SLC13A2: variants seen among roughly 807,000 people sequenced by gnomAD.
The protein encoded by SLC13A2 is solute carrier family 13 member 2.
In SLC13A2, 40 loss-of-function variants were observed where a neutral mutation model predicts 58.5. That is an observed-to-expected ratio of 0.68 (90% CI 0.53 to 0.89). The LOEUF (loss-of-function observed/expected upper bound fraction) is 0.89. SLC13A2 is among the 40% of genes least tolerant of loss of function. SLC13A2 has a pLI of 0.00. For missense variants in SLC13A2, 694 were observed against 772.6 expected, an observed-to-expected ratio of 0.90 and a Z score of 1.21; for synonymous variants, 341 against 331.6, an observed-to-expected ratio of 1.03 and a Z score of -0.31.
chr17:28,492,483 G>A (rs2069047997), intron 6 of SLC13A2, among the ~76,000 whole-genome samples: 2 of 152,218 alleles, frequency 1.3e-5, no homozygotes, highest in African/African-American at 4.8e-5. Context: ...CCAGGCAGCA[G>A]GAGCAGATTG....
chr17:28,475,291 C>T (rs963785070), intron 1 of SLC13A2, among the ~76,000 whole-genome samples: 6 of 152,180 alleles, frequency 3.9e-5, no homozygotes, highest in Non-Finnish European at 8.8e-5. Flanking sequence ...GTCTTCTGTG[C>T]ACCGTATCTG....
chr17:28,484,698 A>G (rs782424068), intron 1 of SLC13A2, among the ~76,000 whole-genome samples: 1 of 152,120 alleles, frequency 6.6e-6, no homozygotes, highest in Non-Finnish European at 1.5e-5. Context: ...ATGAATAAGG[A>G]GGCTTTTGCA....
Position 28,482,841 on chromosome 17 carries a change from C to G in SLC13A2, c.103-6373C>G, listed in dbSNP as rs147004341. Among the ~76,000 whole-genome samples the G allele has an allele frequency of 4.5e-4, 69 of 152,322 alleles. 2 individuals are homozygous for G. The East Asian group carries it at 0.013, about 29-fold the overall frequency. On this transcript the variant is annotated intron_variant, in intron 1 of 11. Coordinates refer to ENST00000314669, the MANE Select transcript of SLC13A2 (RefSeq NM_003984.4). ...CCCTCTCTGGAAGCCTTCCTCAACC[C>G]AAACAAAAGGAGGCTCAGGGACGGG...
intron 1 of SLC13A2, among the ~76,000 whole-genome samples, chr17:28,486,400 G>A (rs1270566985): frequency 1.3e-5 from 2 of 152,168 alleles, no homozygotes; most frequent in African/African-American, 4.8e-5. Context: ...TTATCTTCAT[G>A]GATTCTCAGA....
Position 28,497,162 on chromosome 17 carries a change from T to C in SLC13A2, c.1672T>C (p.Trp558Arg), listed in dbSNP as rs782668185. 1 of 1,613,870 alleles carries C rather than the reference T, an allele frequency of 6.2e-7. No homozygotes were observed. The change falls in exon 12 of 12, where the codon TGG becomes CGG. Residue 558 changes from tryptophan to arginine, a missense_variant. By Grantham distance (101) the Trp-to-Arg change is moderately radical. Coordinates refer to ENST00000314669, the MANE Select transcript of SLC13A2 (RefSeq NM_003984.4). The stretch of plus-strand genomic sequence containing the variant: ...GATCATCGCACTGGCCATCAACAGC[T>C]GGGGCATCCCCCTCTTCAGCCTGCA... ...VLIIALAINS[W>R]GIPLFSLHSF...
chr17:28,487,493 G>A (rs1258134499), intron 1 of SLC13A2: 15 of 971,618 alleles, frequency 1.5e-5, no homozygotes, highest in African/African-American at 1.1e-4. Context: ...AGAATATGAC[G>A]CCTGGCACAA....
chr17:28,478,347 C>G (rs1320003037), intron 1 of SLC13A2, among the ~76,000 whole-genome samples: 2 of 152,238 alleles, frequency 1.3e-5, no homozygotes, highest in African/African-American at 4.8e-5. Context: ...AGCTCTTGCT[C>G]TGTGTCAGGG....
intron 1 of SLC13A2, among the ~76,000 whole-genome samples, chr17:28,475,275 G>A (rs782487531): frequency 2.0e-5 from 3 of 152,164 alleles, no homozygotes; most frequent in Non-Finnish European, 4.4e-5. Context: ...TGTGTTAGGA[G>A]CCCCTGTCTT....
Position 28,485,515 on chromosome 17 carries a change from G to A in SLC13A2, c.103-3699G>A, listed in dbSNP as rs2068863808. Among the ~76,000 whole-genome samples, 3 of 152,234 alleles carry A rather than the reference G, an allele frequency of 2.0e-5. No individual in the cohort carries two copies. In the South Asian group the frequency reaches 6.2e-4, roughly 32 times the overall value. ...ATTGGATATACTGTGTGCCTAAGAA[G>A]AAAAGACCCCTAGGGCTCTGCCCTC... On this transcript the variant is annotated intron_variant, in intron 1 of 11. Transcript: ENST00000314669.
At position 28,496,762 on chromosome 17, in the gene SLC13A2, C is replaced by T. The variant is rs1555604724; in HGVS notation, c.1608+175C>T. Among the ~76,000 whole-genome samples, 1 of 152,154 alleles carries T rather than the reference C, an allele frequency of 6.6e-6. No homozygotes were observed. The highest frequency in any genetic ancestry group is 2.4e-5 in the African/African-American group (1 of 41,422). ...CATGACCTCTCAGTGGTGGCATCTTCAGGCCCTGCCAGCCCCAGGCTATGT... is the reference window on the plus strand; with the variant it reads ...CATGACCTCTCAGTGGTGGCATCTTTAGGCCCTGCCAGCCCCAGGCTATGT... On this transcript the variant is annotated intron_variant, in intron 11 of 11. Coordinates refer to ENST00000314669, the MANE Select transcript of SLC13A2 (RefSeq NM_003984.4). The surrounding 1 kb of genome is among the most constrained non-coding windows in gnomAD (Gnocchi z 4.2).
intron 6 of SLC13A2, among the ~76,000 whole-genome samples, chr17:28,492,917 G>A (rs868982804): frequency 1.3e-5 from 2 of 152,220 alleles, no homozygotes; most frequent in Non-Finnish European, 2.9e-5. Context: ...AATCACTTGG[G>A]CAAATGTAAG....
rs782119071 is a variant in SLC13A2 at position 28,497,243 on chromosome 17, G to A, written c.1753G>A (p.Ala585Thr). The change falls in exon 12 of 12, where the codon GCC (alanine) becomes ACC (threonine). Residue 585 changes from alanine to threonine, a missense_variant. Transcript: ENST00000314669. ...CACAGCCCAGTGCCTGCCAAGCCTG[G>A]CCAACACCACCACACCAAGCCCCTA... ...NTTAQCLPSL[A>T]NTTTPSP 1.2e-6 allele frequency: 2 copies of A among 1,613,846 alleles called. No individual in the cohort carries two copies. The highest frequency in any genetic ancestry group is 2.7e-5 in the African/African-American group (2 of 74,904).
Position 28,491,587 on chromosome 17 carries a change from C to T in SLC13A2, c.725C>T (p.Pro242Leu). The change falls in exon 5 of 12, where the codon CCC becomes CTC. Residue 242 changes from proline (P) to leucine (L), a missense_variant. Coordinates refer to ENST00000314669, the MANE Select transcript of SLC13A2 (RefSeq NM_003984.4). ...GGIATLTGTA[P>L]NLVLQGQINS... ...ATCGCCACGCTGACTGGCACCGCAC[C>T]CAACCTGGTGCTGCAAGGCCAGATC... 2 of 1,613,472 alleles carry T rather than the reference C, an allele frequency of 1.2e-6. No homozygotes were observed. The highest frequency in any genetic ancestry group is 2.2e-5 in the East Asian group (1 of 44,880).
Position 28,496,533 on chromosome 17 carries a change from C to T in SLC13A2, c.1554C>T (p.Ala518=). ...ATSLAFMLPV[A]TPPNAIVFSF... is the part of the protein sequence containing the mutation. The stretch of plus-strand genomic sequence containing the variant: ...CCCTGGCCTTCATGTTGCCTGTGGC[C>T]ACCCCGCCCAATGCCATCGTCTTCT... The change falls in exon 11 of 12, where the codon GCC becomes GCT. Residue 518 remains alanine (A), a synonymous_variant. Transcript: ENST00000314669. The surrounding 1 kb of genome is among the most constrained non-coding windows in gnomAD (Gnocchi z 4.2). The T allele has an allele frequency of 1.9e-6, 3 of 1,613,792 alleles. No individual in the cohort carries two copies. The highest frequency in any genetic ancestry group is 3.3e-5 in the Admixed American group (2 of 59,970).
chr17:28,493,907 T>G, intron 7 of SLC13A2, 110 bp from the exon 8 acceptor site: 5 of 1,460,934 alleles, frequency 3.4e-6, no homozygotes, highest in Non-Finnish European at 4.8e-6. Flanking sequence ...GGGATGAAGG[T>G]TCCCCAGGCT....
At chr17:28,479,478 G>A (rs1314672083) in intron 1 of SLC13A2, among the ~76,000 whole-genome samples, 2 of 152,140 alleles carry the variant, frequency 1.3e-5, no homozygotes, top group African/African-American at 4.8e-5. Context: ...TGTGCTGTGA[G>A]CATTAAGGGG....
chr17:28,494,512 G>T lies in SLC13A2; in HGVS notation c.1308G>T (p.Glu436Asp). ...GCTATGCCCTGGCCAAGGGCAGTGA[G>T]GTGAGAGGCCCCCAGCCCCCTCCTC... ...GGGYALAKGSERSGLSEWLGN... is the reference protein window; with the variant it reads ...GGGYALAKGSDRSGLSEWLGN... The change falls in exon 9 of 12, where the codon GAG (glutamate) becomes GAT (aspartate). Residue 436 changes from glutamate to aspartate, a missense_variant and splice_region_variant. Glu to Asp is a conservative substitution (Grantham distance 45). Coordinates refer to ENST00000314669, the MANE Select transcript of SLC13A2 (RefSeq NM_003984.4). This position sits in a 1 kb window ranked among gnomAD's most constrained non-coding sequence, Gnocchi z 4.0. The T allele has an allele frequency of 6.2e-7, 1 of 1,613,932 alleles. No homozygotes were observed. Among genetic ancestry groups the T allele is most frequent in the Non-Finnish European group, 8.5e-7 (1 of 1,179,894 alleles).
intron 1 of SLC13A2, among the ~76,000 whole-genome samples, chr17:28,479,500 C>G (rs962369682): frequency 6.6e-6 from 1 of 152,076 alleles, no homozygotes; most frequent in East Asian, 1.9e-4. Flanking sequence ...GAATAACTTA[C>G]GACTCAGGGG....
chr17:28,494,138 C>A lies in SLC13A2; in HGVS notation c.1186+33C>A. ...CCTGGACTGGGGCAGGGAAGGGTCTCCGGGCAGCCCCTGCCTTCAAGTATG... is the reference window on the plus strand; with the variant it reads ...CCTGGACTGGGGCAGGGAAGGGTCTACGGGCAGCCCCTGCCTTCAAGTATG... On this transcript the variant is annotated intron_variant, in intron 8 of 11. Coordinates refer to ENST00000314669, the MANE Select transcript of SLC13A2 (RefSeq NM_003984.4). This position sits in a 1 kb window ranked among gnomAD's most constrained non-coding sequence, Gnocchi z 4.0. 1 of 1,586,854 alleles carries A rather than the reference C, an allele frequency of 6.3e-7. No individual in the cohort carries two copies. Among genetic ancestry groups the A allele is most frequent in the South Asian group, 1.1e-5 (1 of 90,456 alleles).
Sources: gnomAD v4.1 joint callset for allele counts (sites outside exome capture counted in the v4.1 genomes callset) on GRCh38, gnomAD v4.1.1 for gene constraint, Gnocchi (gnomAD v3.1) non-coding constraint, MANE v1.5 for transcripts, NCBI Gene and HGNC (gene_info 2026-07-23, HGNC 2026-07-21) for gene names.